Variants in DNAH3 observed in about 807,000 individuals in gnomAD.
The protein encoded by DNAH3 is axonemal beta dynein heavy chain 3.
Under a neutral mutation model 432.5 loss-of-function variants are expected in DNAH3, and 332 were observed. That is an observed-to-expected ratio of 0.77 (90% CI 0.70 to 0.84). The LOEUF is 0.84. Ranked by LOEUF, DNAH3 falls within the 40% of genes least tolerant of loss-of-function variation. The pLI, the probability that DNAH3 is intolerant of heterozygous loss-of-function variation, is 0.00. For missense variants in DNAH3, 4,861 were observed against 5,114.0 expected, an observed-to-expected ratio of 0.95 and a Z score of 1.51; for synonymous variants, 1,956 against 1,900.2, an observed-to-expected ratio of 1.03 and a Z score of -0.76.
chr16:21,090,665 C>T (rs2091505695), intron 18 of DNAH3, among the ~76,000 whole-genome samples: 1 of 152,090 alleles, frequency 6.6e-6, no homozygotes, highest in Non-Finnish European at 1.5e-5. Context: ...TGTATGATCT[C>T]ACTATTTGCA....
intron 1 of DNAH3, among the ~76,000 whole-genome samples, chr16:21,152,851 C>A (rs1225135808): frequency 6.6e-6 from 1 of 152,396 alleles, no homozygotes; most frequent in East Asian, 1.9e-4. Flanking sequence ...GGGCTCGGGA[C>A]TTGCAGCCCG....
intron 59 of DNAH3, among the ~76,000 whole-genome samples, chr16:20,937,313 C>T (rs772660339): frequency 3.5e-4 from 53 of 151,952 alleles, no homozygotes; most frequent in Non-Finnish European, 6.0e-4. Context: ...CATCACCATG[C>T]CTGTCCTTTG....
intron 5 of DNAH3, among the ~76,000 whole-genome samples, chr16:21,138,824 C>CAA (rs1567859288): frequency 6.8e-6 from 1 of 148,132 alleles, no homozygotes; most frequent in African/African-American, 2.5e-5. Context: ...AAAAAAAAAA[C>CAA]AACACAGAGA....
intron 44 of DNAH3, among the ~76,000 whole-genome samples, chr16:20,996,445 T>C (rs2086764524): frequency 6.6e-6 from 1 of 152,116 alleles, no homozygotes; most frequent in Non-Finnish European, 1.5e-5. Flanking sequence ...TGCCAAACCA[T>C]GCTCTCAGCT....
At chr16:21,137,432 T>A (rs998351217) in intron 5 of DNAH3, among the ~76,000 whole-genome samples, 3 of 151,360 alleles carry the variant, frequency 2.0e-5, no homozygotes, top group Non-Finnish European at 2.9e-5. Context: ...TCTTTTTTTT[T>A]TTTTTTTGAC....
At chr16:20,984,029 G>GAAAAAAGAAAAAAA (rs2086051499) in intron 48 of DNAH3, among the ~76,000 whole-genome samples, 4 of 112,140 alleles carry the variant, frequency 3.6e-5, no homozygotes, top group African/African-American at 1.0e-4. Flanking sequence ...CCTATATCCA[G>GAAAAAAGAAAAAAA]AAAAAAAAAA....
intron 41 of DNAH3, among the ~76,000 whole-genome samples, chr16:21,018,033 TAC>T (rs1056284570): frequency 2.0e-5 from 3 of 152,170 alleles, no homozygotes; most frequent in African/African-American, 7.2e-5. Context: ...TTTAAGCATC[TAC>T]ACACTTTCTC....
At chr16:21,124,387 TC>T (rs2092404216) in intron 9 of DNAH3, among the ~76,000 whole-genome samples, 1 of 152,234 alleles carries the variant, frequency 6.6e-6, no homozygotes, top group African/African-American at 2.4e-5. Context: ...CTTAACAACT[TC>T]TCTACTTCTG....
intron 16 of DNAH3, among the ~76,000 whole-genome samples, chr16:21,103,358 G>GGC (rs1555558927): frequency 6.7e-6 from 1 of 150,210 alleles, no homozygotes; most frequent in African/African-American, 2.5e-5. Flanking sequence ...TGTGTGTGGG[G>GGC]GGGGGCAGGG....
chr16:20,936,757 G>T, exon 60 of DNAH3: 3 of 1,613,208 alleles, frequency 1.9e-6, no homozygotes, highest in Non-Finnish European at 2.5e-6. Flanking sequence ...CCACAAGCAT[G>T]CTGTTAAAGA....
At chr16:20,941,152 CT>C (rs1207903582) in intron 59 of DNAH3, among the ~76,000 whole-genome samples, 1 of 152,064 alleles carries the variant, frequency 6.6e-6, no homozygotes, top group Admixed American at 6.6e-5. Flanking sequence ...TTAGCCTGTG[CT>C]TGATACTGGT....
chr16:21,041,439 G>C (rs1403537625), intron 32 of DNAH3, among the ~76,000 whole-genome samples: 1 of 152,170 alleles, frequency 6.6e-6, no homozygotes, highest in East Asian at 1.9e-4. Context: ...TGTTGACCTA[G>C]ATGGGAGGAG....
At chr16:21,026,653 A>T (rs1371503254) in intron 38 of DNAH3, among the ~76,000 whole-genome samples, 1 of 145,588 alleles carries the variant, frequency 6.9e-6, no homozygotes, top group Non-Finnish European at 1.5e-5. Flanking sequence ...GTGAGTCGAG[A>T]TCATGCCACG....
chr16:20,973,008 C>T (rs1216753372), intron 51 of DNAH3, among the ~76,000 whole-genome samples: 1 of 152,108 alleles, frequency 6.6e-6, no homozygotes, highest in Non-Finnish European at 1.5e-5. Flanking sequence ...GGATTACAGG[C>T]GTGAGCCACC....
chr16:21,159,199 G>T, intron 1 of DNAH3: 1 of 944,370 alleles, frequency 1.1e-6, no homozygotes, highest in Non-Finnish European at 1.7e-6. Context: ...CCCCATCGCT[G>T]CAGAGAGATC....
chr16:20,989,981 T>C (rs3103812), intron 44 of DNAH3, among the ~76,000 whole-genome samples: 76,515 of 152,086 alleles, frequency 0.5, 19,531 homozygotes, highest in South Asian at 0.61. Context: ...CCAGCTGGCC[T>C]GCAAGCGCCG....
chr16:20,965,289 A>T, exon 53 of DNAH3: 2 of 1,613,500 alleles, frequency 1.2e-6, no homozygotes, highest in Non-Finnish European at 1.7e-6. Context: ...ATTCCGGGTG[A>T]TTGATAAACC....
At chr16:21,154,002 G>C (rs1316689561) in intron 1 of DNAH3, among the ~76,000 whole-genome samples, 1 of 152,200 alleles carries the variant, frequency 6.6e-6, no homozygotes, top group African/African-American at 2.4e-5. Flanking sequence ...CAGTGGGAGA[G>C]CTGGAGACTC....
intron 29 of DNAH3, among the ~76,000 whole-genome samples, chr16:21,051,246 G>A (rs1410375093): frequency 6.6e-6 from 1 of 152,162 alleles, no homozygotes; most frequent in East Asian, 1.9e-4. Context: ...AAATGTCAGA[G>A]GACTTTGCTG....
Sources: gnomAD v4.1 joint callset for allele counts (sites outside exome capture counted in the v4.1 genomes callset) on GRCh38, gnomAD v4.1.1 for gene constraint, MANE v1.5 for transcripts, NCBI Gene and HGNC (gene_info 2026-07-23, HGNC 2026-07-21) for gene names.